Variants in DMD observed in about 807,000 individuals in gnomAD.
DMD encodes dystrophin, also known as mutant dystrophin.
Under a neutral mutation model 330.1 loss-of-function variants are expected in DMD, and 63 were observed. That is an observed-to-expected ratio of 0.19 (90% confidence interval 0.16 to 0.24). The LOEUF is 0.24. Ranked by LOEUF, DMD falls within the 10% of genes least tolerant of loss-of-function variation. DMD has a pLI of 1.00. For synonymous variants in DMD, 1,223 were observed against 959.8 expected, an observed-to-expected ratio of 1.27 and a Z score of -5.07; for missense variants, 3,344 against 2,684.1, an observed-to-expected ratio of 1.25 and a Z score of -5.43.
intron 7 of DMD, among the ~76,000 whole-genome samples, chrX:32,800,881 C>T (rs2076511109): frequency 9.0e-6 from 1 of 111,604 alleles, no homozygotes; most frequent in African/African-American, 3.3e-5. Flanking sequence ...ACATGAAACT[C>T]ATCCTTTTTT....
At position 31,606,050 on chromosome X, in the gene DMD, A is replaced by G. The variant is rs566205031; in HGVS notation, c.8217+21623T>C. Among the ~76,000 whole-genome samples the G allele has an allele frequency of 5.4e-5, 6 of 111,351 alleles. No individual in the cohort carries two copies. The East Asian group carries it at 1.1e-3, about 21-fold the overall frequency. Reference sequence around the variant, plus strand: ...GGGAGAGACCAGGTGGAGGTAATGGAATCATAAGGGCAGTTTCTCCCATGC... The same window carrying G: ...GGGAGAGACCAGGTGGAGGTAATGGGATCATAAGGGCAGTTTCTCCCATGC... On this transcript the variant is annotated intron_variant, in intron 55 of 78. Coordinates refer to ENST00000357033, the MANE Select transcript of DMD (RefSeq NM_004006.3).
At chrX:32,523,782 G>A (rs1233085570) in intron 17 of DMD, among the ~76,000 whole-genome samples, 14 of 111,379 alleles carry the variant, frequency 1.3e-4, no homozygotes, top group African/African-American at 4.2e-4. Context: ...ACCTGTATAA[G>A]GAGGAAGGAA....
intron 34 of DMD, among the ~76,000 whole-genome samples, chrX:32,376,659 T>A (rs998626747): frequency 9.0e-6 from 1 of 111,040 alleles, no homozygotes; most frequent in African/African-American, 3.3e-5. Context: ...CAATGCATCA[T>A]CTGGGGCCTG....
At chrX:31,398,402 G>A (rs2061041911) in intron 60 of DMD, among the ~76,000 whole-genome samples, 1 of 112,279 alleles carries the variant, frequency 8.9e-6, no homozygotes, top group South Asian at 3.7e-4. Flanking sequence ...AGGCCGAAGA[G>A]TAAATAAGGT....
intron 49 of DMD, among the ~76,000 whole-genome samples, chrX:31,833,341 T>C (rs1447560824): frequency 1.6e-4 from 2 of 12,129 alleles, no homozygotes; most frequent in African/African-American, 8.2e-4. Context: ...AGGGAGAGAG[T>C]GGAGAGGGAG....
intron 51 of DMD, among the ~76,000 whole-genome samples, chrX:31,767,674 C>T (rs1403257925): frequency 8.9e-6 from 1 of 111,844 alleles, no homozygotes; most frequent in Admixed American, 9.5e-5. Flanking sequence ...GCCAATGCCA[C>T]TTTACCCACA....
At chrX:33,158,392 G>A (rs967955608) in intron 1 of DMD, among the ~76,000 whole-genome samples, 7 of 110,875 alleles carry the variant, frequency 6.3e-5, no homozygotes, top group East Asian at 2.9e-4. Context: ...TTTTCGCCAG[G>A]TTCTTTGTTC....
chrX:32,524,019 G>C (rs776277995), intron 17 of DMD, among the ~76,000 whole-genome samples: 92 of 100,910 alleles, frequency 9.1e-4, no homozygotes, highest in African/African-American at 3.3e-3. Context: ...TGCAAGCTCC[G>C]CCTCCCAGGT....
chrX:33,303,204 A>G (rs2053693778), intron 1 of DMD, among the ~76,000 whole-genome samples: 1 of 111,775 alleles, frequency 8.9e-6, no homozygotes, highest in South Asian at 3.7e-4. Context: ...GCAATGATGA[A>G]TAAAGCTGTC....
Position 32,664,283 on chromosome X carries a change from C to G in DMD, c.961-19131G>C, listed in dbSNP as rs1302807625. Reference sequence around the variant, plus strand: ...TTGAGATGGAGTCTCGCTCTGTCACCCAGGCTGGAGTGCAGTAGCGCGATA... The same window carrying G: ...TTGAGATGGAGTCTCGCTCTGTCACGCAGGCTGGAGTGCAGTAGCGCGATA... On this transcript the variant is annotated intron_variant, in intron 9 of 78. Coordinates refer to ENST00000357033, the MANE Select transcript of DMD (RefSeq NM_004006.3). 2.9e-5 allele frequency among the ~76,000 whole-genome samples: 3 copies of G among 101,703 alleles called. No individual in the cohort carries two copies. The Admixed American group carries it at 3.2e-4, about 11-fold the overall frequency. 88.3% of individuals were successfully genotyped at this position (101,703 alleles called of 115,157 possible). A position where few individuals can be genotyped will look rare whatever the true frequency, so the allele number is the denominator to read the frequency against.
rs1188347239 is a variant in DMD at position 31,679,485 on chromosome X, C to T, written c.7762G>A (p.Ala2588Thr). The change falls in exon 53 of 79, where the codon GCT becomes ACT. Residue 2588 changes from alanine (A) to threonine (T), a missense_variant. Transcript: ENST00000357033. ...MLKDSTQWLE[A>T]KEEAEQVLGQ... ...AAGACCTGCTCAGCTTCTTCCTTAG[C>T]TTCCAGCCATTGTGTTGAATCCTTT... is the stretch of plus-strand genomic sequence containing the variant. The T allele has an allele frequency of 2.5e-6, 3 of 1,212,094 alleles. No individual in the cohort carries two copies. The highest frequency in any genetic ancestry group is 3.3e-6 in the Non-Finnish European group (3 of 895,531).
intron 29 of DMD, 82 bp downstream of exon 29, chrX:32,438,159 T>C (rs1477490678): frequency 2.9e-6 from 3 of 1,023,987 alleles, no homozygotes; most frequent in South Asian, 1.9e-5. Flanking sequence ...ATTTAAACTA[T>C]TGCTCATTTT....
At chrX:31,522,357 CTCTCTCTA>C (rs1413390571) in intron 55 of DMD, among the ~76,000 whole-genome samples, 9 of 57,694 alleles carry the variant, frequency 1.6e-4, no homozygotes, top group Admixed American at 2.2e-4. Context: ...CTCTCTCTCT[CTCTCTCTA>C]TATATATATA....
chrX:31,858,242 C>T (rs532807404), intron 48 of DMD, among the ~76,000 whole-genome samples: 33 of 111,553 alleles, frequency 3.0e-4, no homozygotes, highest in South Asian at 2.3e-3. Flanking sequence ...ATTGCTATGG[C>T]ATTTCTAAGC....
At chrX:31,271,061 G>A (rs1392225599) in intron 62 of DMD, among the ~76,000 whole-genome samples, 3 of 111,633 alleles carry the variant, frequency 2.7e-5, no homozygotes, top group African/African-American at 6.5e-5. Context: ...ATTGGTCTTG[G>A]ACATTAGGAT....
intron 12 of DMD, among the ~76,000 whole-genome samples, chrX:32,601,168 A>C (rs2056165087): frequency 9.0e-6 from 1 of 111,450 alleles, no homozygotes; most frequent in Non-Finnish European, 1.9e-5. Flanking sequence ...TTTTATTTGC[A>C]GTGAAATATT....
chrX:31,792,222 C>T (rs2091604336), intron 50 of DMD, among the ~76,000 whole-genome samples: 1 of 111,691 alleles, frequency 9.0e-6, no homozygotes, highest in African/African-American at 3.3e-5. Context: ...CTTTAGAAAG[C>T]AATATTTTAT....
chrX:32,991,989 G>A (rs2092990950), intron 2 of DMD, among the ~76,000 whole-genome samples: 1 of 111,623 alleles, frequency 9.0e-6, no homozygotes, highest in Non-Finnish European at 1.9e-5. Context: ...TGAAACTTTG[G>A]CAAAACTATT....
intron 47 of DMD, among the ~76,000 whole-genome samples, chrX:31,890,822 C>T (rs1215283009): frequency 9.0e-6 from 1 of 111,355 alleles, no homozygotes; most frequent in Non-Finnish European, 1.9e-5. Flanking sequence ...AGAAAACCAC[C>T]ACACTGAAAA....
Sources: allele counts gnomAD v4.1 joint callset (sites outside exome capture counted in the v4.1 genomes callset), GRCh38; gene constraint gnomAD v4.1.1; transcripts MANE v1.5; gene names NCBI Gene and HGNC (gene_info 2026-07-23, HGNC 2026-07-21).